Variants in GRID2 observed in about 807,000 individuals in gnomAD.
GRID2 encodes glutamate receptor ionotropic, delta-2.
In GRID2, 33 loss-of-function variants were observed where a neutral mutation model predicts 114.8. The observed-to-expected ratio is 0.29, with a 90% confidence interval of 0.22 to 0.38. The LOEUF (loss-of-function observed/expected upper bound fraction) is 0.38. Among genes scored for constraint, GRID2 ranks in the 10% least tolerant of loss-of-function variants. GRID2 has a pLI of 1.00. For missense variants in GRID2, 1,184 were observed against 1,257.7 expected (o/e 0.94, Z 0.89); for synonymous variants, 505 against 449.9 (o/e 1.12, Z -1.55).
At chr4:92,611,376 C>CA (rs1248648346) in intron 2 of GRID2, among the ~76,000 whole-genome samples, 1 of 151,542 alleles carries the variant, frequency 6.6e-6, no homozygotes, top group Non-Finnish European at 1.5e-5. Context: ...TGCATGAAAA[C>CA]AGAGTGTGCT....
intron 2 of GRID2, among the ~76,000 whole-genome samples, chr4:92,726,324 G>A (rs1217346459): frequency 6.6e-6 from 1 of 152,072 alleles, no homozygotes; most frequent in Non-Finnish European, 1.5e-5. Context: ...CATAAGTAAT[G>A]CATTGTACTG....
chr4:92,403,783 C>T (rs376221887), intron 1 of GRID2, among the ~76,000 whole-genome samples: 55 of 151,930 alleles, frequency 3.6e-4, no homozygotes, highest in African/African-American at 9.6e-4. Context: ...TTGAAAACTT[C>T]GAGGCTATTG....
At chr4:92,557,489 A>G (rs1037633114) in intron 1 of GRID2, among the ~76,000 whole-genome samples, 5 of 151,250 alleles carry the variant, frequency 3.3e-5, no homozygotes, top group Non-Finnish European at 5.9e-5. Context: ...CCTAACACAT[A>G]TATTTTTTCT....
intron 1 of GRID2, among the ~76,000 whole-genome samples, chr4:92,483,183 AC>A (rs1405548379): frequency 6.6e-6 from 1 of 152,098 alleles, no homozygotes; most frequent in Admixed American, 6.6e-5. Context: ...AGCAGAAAAT[AC>A]AAAAATTAGC....
intron 1 of GRID2, among the ~76,000 whole-genome samples, chr4:92,347,794 TGA>T (rs1429070286): frequency 1.3e-5 from 2 of 152,124 alleles, no homozygotes; most frequent in East Asian, 3.9e-4. Context: ...TTCTGTTCTT[TGA>T]GATGATTTAT....
chr4:92,392,570 T>G (rs2110263055), intron 1 of GRID2, among the ~76,000 whole-genome samples: 1 of 152,068 alleles, frequency 6.6e-6, no homozygotes, highest in African/African-American at 2.4e-5. Context: ...CCTGATTTTC[T>G]GAAAGTAAAT....
intron 1 of GRID2, among the ~76,000 whole-genome samples, chr4:92,348,696 A>G (rs1235190568): frequency 5.9e-5 from 9 of 152,178 alleles, no homozygotes; most frequent in Admixed American, 4.6e-4. Context: ...TTGCAGAAGC[A>G]TATTTTAAGA....
intron 14 of GRID2, among the ~76,000 whole-genome samples, chr4:93,681,015 G>A (rs1018106357): frequency 1.3e-5 from 2 of 151,392 alleles, no homozygotes; most frequent in African/African-American, 4.9e-5. Context: ...TGACATGATT[G>A]TATATCTAGA....
Position 93,558,677 on chromosome 4 carries a change from T to G in GRID2, c.2193+43266T>G, listed in dbSNP as rs1369774211. Among the ~76,000 whole-genome samples the G allele has an allele frequency of 2.0e-5, 3 of 152,192 alleles. No homozygotes were observed. In the East Asian group the frequency reaches 5.8e-4, roughly 29 times the overall value. ...AGGTACAAAGAGGAGCTGGTACCAT[T>G]CTTTCTGAAACTATTCCAAACAATA... is the stretch of plus-strand genomic sequence containing the variant. On this transcript the variant is annotated intron_variant, in intron 13 of 15. Transcript: ENST00000282020.
chr4:93,357,394 AT>A (rs773937928), intron 8 of GRID2, among the ~76,000 whole-genome samples: 1 of 151,306 alleles, frequency 6.6e-6, no homozygotes, highest in Non-Finnish European at 1.5e-5. Context: ...GAATTAAAAA[AT>A]ATTCTGTCAT....
chr4:93,646,883 C>A (rs116920889), intron 14 of GRID2, among the ~76,000 whole-genome samples: 1 of 152,232 alleles, frequency 6.6e-6, no homozygotes, highest in East Asian at 1.9e-4. Flanking sequence ...ATGATGGTAT[C>A]ATTAACTGAA....
chr4:93,506,895 GAC>G (rs1208728975), intron 12 of GRID2, among the ~76,000 whole-genome samples: 7 of 152,170 alleles, frequency 4.6e-5, no homozygotes, highest in Non-Finnish European at 1.0e-4. Flanking sequence ...CAGGAAGGAA[GAC>G]ACAGCACTTT....
chr4:93,621,486 G>T lies in GRID2; in HGVS notation c.2194-4783G>T, dbSNP rs57466709. Among the ~76,000 whole-genome samples, 954 of 152,310 alleles carry T rather than the reference G, an allele frequency of 6.3e-3. 14 individuals carry two copies. Among genetic ancestry groups the T allele is most frequent in the African/African-American group, 0.021 (883 of 41,566 alleles). On this transcript the variant is annotated intron_variant, in intron 13 of 15. Transcript: ENST00000282020. ...GACTCTGCTGGTGTGGAATCCATTA[G>T]TAAATAAATCAATGGCATGTGATTC...
intron 14 of GRID2, among the ~76,000 whole-genome samples, chr4:93,709,044 T>C (rs75634448): frequency 0.042 from 6,401 of 152,130 alleles, 218 homozygotes; most frequent in African/African-American, 0.084. Context: ...ATCTTACTGT[T>C]TTAAGTCTTG....
chr4:92,615,083 G>A (rs1048784767), intron 2 of GRID2, among the ~76,000 whole-genome samples: 1 of 151,520 alleles, frequency 6.6e-6, no homozygotes. Context: ...TTTCTTAAAA[G>A]TCTGGAGACT....
chr4:93,486,253 T>G (rs577086687), intron 11 of GRID2, among the ~76,000 whole-genome samples: 26 of 151,774 alleles, frequency 1.7e-4, no homozygotes, highest in African/African-American at 6.0e-4. Flanking sequence ...ATTTATCCTT[T>G]GTTCTCTTAG....
intron 2 of GRID2, among the ~76,000 whole-genome samples, chr4:92,930,556 T>C (rs1750147375): frequency 6.6e-6 from 1 of 150,440 alleles, no homozygotes; most frequent in Non-Finnish European, 1.5e-5. Flanking sequence ...GGAAAGATTC[T>C]TTATCTTGTT....
chr4:92,900,557 A>C (rs1484139372), intron 2 of GRID2, among the ~76,000 whole-genome samples: 1 of 152,164 alleles, frequency 6.6e-6, no homozygotes, highest in Non-Finnish European at 1.5e-5. Flanking sequence ...CAGGCCAGGC[A>C]CGGCGGCTCA....
intron 14 of GRID2, among the ~76,000 whole-genome samples, chr4:93,747,797 C>G (rs1731974964): frequency 1.3e-5 from 2 of 151,738 alleles, no homozygotes; most frequent in African/African-American, 4.8e-5. Flanking sequence ...TGTTTTCCCC[C>G]CCAGTGGACA....
Sources: gnomAD v4.1 joint callset for allele counts (sites outside exome capture counted in the v4.1 genomes callset) on GRCh38, gnomAD v4.1.1 for gene constraint, MANE v1.5 for transcripts, NCBI Gene and HGNC (gene_info 2026-07-23, HGNC 2026-07-21) for gene names.